Variants in MCOLN3 observed in about 807,000 individuals in gnomAD.
The protein encoded by MCOLN3 is mucolipin-3.
In MCOLN3, 62 loss-of-function variants were observed where a neutral mutation model predicts 69.4. That is an observed-to-expected ratio of 0.89 (90% confidence interval 0.73 to 1.10). The LOEUF (loss-of-function observed/expected upper bound fraction) is 1.10. MCOLN3 is among the 50% of genes least tolerant of loss of function. The pLI is 0.00. For missense variants in MCOLN3, 564 were observed against 656.4 expected (o/e 0.86, Z 1.54); for synonymous variants, 183 against 217.0 (o/e 0.84, Z 1.38).
chr1:85,037,794 T>C (rs1323456331), intron 3 of MCOLN3, among the ~76,000 whole-genome samples: 1 of 152,108 alleles, frequency 6.6e-6, no homozygotes, highest in African/African-American at 2.4e-5. Flanking sequence ...GAACTAACAA[T>C]GGTGAGACGG....
intron 2 of MCOLN3, among the ~76,000 whole-genome samples, chr1:85,041,707 T>C (rs1176047436): frequency 1.3e-5 from 2 of 151,718 alleles, no homozygotes; most frequent in East Asian, 1.9e-4. Flanking sequence ...CCATCTCTAC[T>C]ACAAATAAAA....
At chr1:85,029,333 T>C in intron 6 of MCOLN3, 128 bp from the exon 7 acceptor site, 1 of 618,218 alleles carries the variant, frequency 1.6e-6, no homozygotes, top group East Asian at 2.8e-5. Flanking sequence ...GATCTGTTGC[T>C]AATTCTGTTC....
chr1:85,024,046 T>C (rs1195816381), intron 9 of MCOLN3, among the ~76,000 whole-genome samples: 3 of 151,076 alleles, frequency 2.0e-5, no homozygotes, highest in Non-Finnish European at 4.4e-5. Flanking sequence ...AAGAATGAGA[T>C]TTTGGGGGGC....
In MCOLN3 at chr1:85,032,873, T is replaced by C; in HGVS notation, c.634A>G (p.Arg212Gly). 6.2e-7 allele frequency: 1 copy of C among 1,614,200 alleles called. No homozygotes were observed. The highest frequency in any genetic ancestry group is 8.5e-7 in the Non-Finnish European group (1 of 1,180,018). ...TACACTCCTGTCTGCTCCCCTCACCTGTGGAAGTCCAGTGTTAAGTTCAGT... is the reference window on the plus strand; with the variant it reads ...TACACTCCTGTCTGCTCCCCTCACCCGTGGAAGTCCAGTGTTAAGTTCAGT... Reference protein sequence around the residue: ...NKLNLTLDFHRLLTVELQFKL... With the variant: ...NKLNLTLDFHGLLTVELQFKL... The change falls in exon 5 of 13, where the codon AGA becomes GGA. Residue 212 changes from arginine (R) to glycine (G), a missense_variant and splice_region_variant. Coordinates refer to ENST00000370589, the MANE Select transcript of MCOLN3 (RefSeq NM_018298.11).
Position 85,021,182 on chromosome 1 carries a change from T to G in MCOLN3, c.1415A>C (p.Tyr472Ser). 1 of 1,613,820 alleles carries G rather than the reference T, an allele frequency of 6.2e-7. No homozygotes were observed. The change falls in exon 12 of 13, where the codon TAC becomes TCC. Residue 472 changes from tyrosine (Y) to serine (S), a missense_variant. Tyr to Ser is a moderately radical substitution (Grantham distance 144). Coordinates refer to ENST00000370589, the MANE Select transcript of MCOLN3 (RefSeq NM_018298.11). Reference sequence around the variant, plus strand: ...AATTCTACTAAACAGCCAGACTAAGTAACTTTTTTGCTGCATTTTTGCAAA... The same window carrying G: ...AATTCTACTAAACAGCCAGACTAAGGAACTTTTTTGCTGCATTTTTGCAAA... ...ATFAKMQQKS[Y>S]LVWLFSRIYL...
intron 6 of MCOLN3, among the ~76,000 whole-genome samples, chr1:85,030,362 A>G (rs1205079005): frequency 6.6e-6 from 1 of 152,270 alleles, no homozygotes; most frequent in Admixed American, 6.5e-5. Flanking sequence ...ATGGGATTAG[A>G]AAACATTAGA....
chr1:85,026,203 C>G lies in MCOLN3; in HGVS notation c.914G>C (p.Arg305Thr). The change falls in exon 8 of 13, where the codon AGA (arginine) becomes ACA (threonine). Residue 305 changes from arginine (R) to threonine (T), a missense_variant. Arg to Thr is a moderately conservative substitution (Grantham distance 71). Coordinates refer to ENST00000370589, the MANE Select transcript of MCOLN3 (RefSeq NM_018298.11). Reference protein sequence around the residue: ...TCLVSLILCIRSVIRGLQLQQ... With the variant: ...TCLVSLILCITSVIRGLQLQQ... The stretch of plus-strand genomic sequence containing the variant: ...AAGCTGAAGTCCTCTAATCACAGAT[C>G]TAATGCAGAGGATTAATGAAACCAA... 6.2e-7 allele frequency: 1 copy of G among 1,614,064 alleles called. No homozygotes were observed. The highest frequency in any genetic ancestry group is 2.2e-5 in the East Asian group (1 of 44,868).
intron 12 of MCOLN3, among the ~76,000 whole-genome samples, chr1:85,020,382 A>G (rs1171731798): frequency 1.3e-5 from 2 of 152,232 alleles, no homozygotes; most frequent in Non-Finnish European, 2.9e-5. Context: ...AAAGTCCCCA[A>G]GTGGAAGTGT....
chr1:85,031,580 T>A (rs1048437650), intron 6 of MCOLN3, among the ~76,000 whole-genome samples: 2 of 152,128 alleles, frequency 1.3e-5, no homozygotes, highest in African/African-American at 4.8e-5. Context: ...AATACTTTTT[T>A]AAACATACAA....
chr1:85,031,894 A>G (rs1234134921), intron 6 of MCOLN3, among the ~76,000 whole-genome samples: 1 of 139,412 alleles, frequency 7.2e-6, no homozygotes, highest in Admixed American at 7.5e-5. Context: ...AACGCGGTGA[A>G]ACCCCGTCTC....
At chr1:85,033,016 GCTGATAC>G in intron 4 of MCOLN3, 60 bp from the exon 5 acceptor site, 1 of 1,371,156 alleles carries the variant, frequency 7.3e-7, no homozygotes, top group South Asian at 1.2e-5. Flanking sequence ...ATTTTGAAAG[GCTGATAC>G]ATTTAAGACC....
At position 85,041,119 on chromosome 1, in the gene MCOLN3, A is replaced by G. The variant is rs776808400; in HGVS notation, c.287T>C (p.Ile96Thr). ...MVVAFKEENT[I>T]AFKHLFLKGY... ...TTTTAGGAAAAGGTGTTTGAATGCT[A>G]TAGTATTCTCTTCCTTGAAAGCTAC... is the stretch of plus-strand genomic sequence containing the variant. The change falls in exon 3 of 13, where the codon ATA (isoleucine) becomes ACA (threonine). Residue 96 changes from isoleucine (I) to threonine (T), a missense_variant. By Grantham distance (89) the Ile-to-Thr change is moderately conservative. Coordinates refer to ENST00000370589, the MANE Select transcript of MCOLN3 (RefSeq NM_018298.11). The G allele has an allele frequency of 3.1e-6, 5 of 1,614,074 alleles. No individual in the cohort carries two copies. Among genetic ancestry groups the G allele is most frequent in the Non-Finnish European group, 3.4e-6 (4 of 1,179,974 alleles).
At chr1:85,038,310 G>C (rs900842240) in intron 3 of MCOLN3, among the ~76,000 whole-genome samples, 1 of 152,128 alleles carries the variant, frequency 6.6e-6, no homozygotes, top group Non-Finnish European at 1.5e-5. Flanking sequence ...AAACGACCAA[G>C]CTTTGAGGAC....
chr1:85,041,233 G>C (rs2102941757), intron 2 of MCOLN3, 56 bp from the exon 3 acceptor site: 1 of 1,468,274 alleles, frequency 6.8e-7, no homozygotes, highest in African/African-American at 1.4e-5. Context: ...AGAAAAAGCA[G>C]AGCAGAAGGT....
chr1:85,036,764 T>C (rs1361063701), intron 3 of MCOLN3: 1 of 152,130 alleles, frequency 6.6e-6, no homozygotes, highest in African/African-American at 2.4e-5. Context: ...CTTGAAATAT[T>C]CTCCCCAAGA....
intron 12 of MCOLN3, among the ~76,000 whole-genome samples, chr1:85,020,245 G>C (rs1376238000): frequency 2.0e-5 from 3 of 152,180 alleles, no homozygotes; most frequent in African/African-American, 7.2e-5. Flanking sequence ...CAGTGAGGAT[G>C]AAGTCACAGC....
At chr1:85,045,412 G>A (rs772716669) in intron 1 of MCOLN3, 50 bp from the exon 2 acceptor site, 3 of 1,435,844 alleles carry the variant, frequency 2.1e-6, no homozygotes, top group African/African-American at 2.8e-5. Context: ...CATTTAGTGA[G>A]TAAAGACACA....
At chr1:85,040,958 T>G (rs574110839) in intron 3 of MCOLN3, 52 bp downstream of exon 3, 8 of 1,576,678 alleles carry the variant, frequency 5.1e-6, no homozygotes, top group Non-Finnish European at 6.9e-6. Flanking sequence ...ATTGCCACCA[T>G]TTTTCCAGTC....
At chr1:85,022,917 T>A (rs1186835053) in intron 9 of MCOLN3, 1 of 153,050 alleles carries the variant, frequency 6.5e-6, no homozygotes, top group Non-Finnish European at 1.5e-5. Context: ...ATTGGGGAGA[T>A]TTGAGAACCA....
Sources: allele counts gnomAD v4.1 joint callset (sites outside exome capture counted in the v4.1 genomes callset), GRCh38; gene constraint gnomAD v4.1.1; transcripts MANE v1.5; gene names NCBI Gene and HGNC (gene_info 2026-07-23, HGNC 2026-07-21).